The following KIFAP3 variants were observed in gnomAD, a reference collection of about 807,000 sequenced individuals.
The protein encoded by KIFAP3 is kinesin associated protein 3.
In KIFAP3, 68 loss-of-function variants were observed where a neutral mutation model predicts 106.5. That is an observed-to-expected ratio of 0.64 (90% CI 0.53 to 0.78). The LOEUF is 0.78. Ranked by LOEUF, KIFAP3 falls within the 30% of genes least tolerant of loss-of-function variation. The pLI is 0.00. For synonymous variants in KIFAP3, 320 were observed against 311.5 expected, an observed-to-expected ratio of 1.03 and a Z score of -0.29; for missense variants, 780 against 941.8, an observed-to-expected ratio of 0.83 and a Z score of 2.25.
chr1:170,046,706 A>G lies in KIFAP3; in HGVS notation c.319+6T>C, dbSNP rs775108719. ...GCATTAGGAAGCCAGGAATTCTACTACTTACCTTTTCCTGACAATGAATCA... is the reference window on the plus strand; with the variant it reads ...GCATTAGGAAGCCAGGAATTCTACTGCTTACCTTTTCCTGACAATGAATCA... On this transcript the variant is annotated splice_donor_region_variant and intron_variant, in intron 3 of 19. Coordinates refer to ENST00000361580, the MANE Select transcript of KIFAP3 (RefSeq NM_014970.4). The G allele has an allele frequency of 1.3e-6, 2 of 1,518,422 alleles. No individual in the cohort carries two copies. The highest frequency in any genetic ancestry group is 1.8e-6 in the Non-Finnish European group (2 of 1,128,842). The allele number at this position is 1,518,422 out of a possible 1,614,324, so 94.1% of individuals were successfully genotyped here.
At chr1:169,989,419 T>C (rs1212339087) in intron 11 of KIFAP3, among the ~76,000 whole-genome samples, 1 of 152,030 alleles carries the variant, frequency 6.6e-6, no homozygotes, top group East Asian at 1.9e-4. Flanking sequence ...TTGGCTGCTT[T>C]CCAGTTCATA....
chr1:169,937,510 C>T (rs1465296385), intron 19 of KIFAP3, among the ~76,000 whole-genome samples: 1 of 151,690 alleles, frequency 6.6e-6, no homozygotes, highest in Non-Finnish European at 1.5e-5. Flanking sequence ...GAAACATGAA[C>T]AAGGAAACTC....
chr1:170,060,217 C>A (rs556650565), intron 1 of KIFAP3, among the ~76,000 whole-genome samples: 26 of 152,278 alleles, frequency 1.7e-4, no homozygotes, highest in Middle Eastern at 6.8e-3. Flanking sequence ...AAGAGGAAGT[C>A]AAATTGTCCC....
intron 10 of KIFAP3, among the ~76,000 whole-genome samples, chr1:169,997,487 A>T (rs1667424186): frequency 6.6e-6 from 1 of 152,088 alleles, no homozygotes; most frequent in South Asian, 2.1e-4. Flanking sequence ...GGCAGCCGAG[A>T]TTTCTGAGAT....
chr1:169,950,013 G>A (rs1429989977), intron 19 of KIFAP3, among the ~76,000 whole-genome samples: 2 of 152,100 alleles, frequency 1.3e-5, no homozygotes, highest in Non-Finnish European at 2.9e-5. Context: ...TTCAGATTAA[G>A]AAGGACCCCC....
intron 1 of KIFAP3, among the ~76,000 whole-genome samples, chr1:170,061,386 T>C (rs1355803855): frequency 6.6e-6 from 1 of 152,200 alleles, no homozygotes; most frequent in Non-Finnish European, 1.5e-5. Context: ...AGAAGACATT[T>C]ATGCAGCCAA....
At chr1:170,061,169 A>C (rs1404714275) in intron 1 of KIFAP3, among the ~76,000 whole-genome samples, 1 of 152,206 alleles carries the variant, frequency 6.6e-6, no homozygotes, top group Non-Finnish European at 1.5e-5. Flanking sequence ...AATGGGATCT[A>C]ATTAAACTAA....
intron 10 of KIFAP3, among the ~76,000 whole-genome samples, chr1:170,005,820 C>A (rs1188283108): frequency 2.6e-5 from 4 of 151,152 alleles, no homozygotes; most frequent in African/African-American, 7.3e-5. Context: ...AACAAACCTG[C>A]ACGTTGTGCA....
In KIFAP3 at chr1:170,035,441, T is replaced by C. The variant is rs778675709; in HGVS notation, c.617+13A>G. The C allele has an allele frequency of 6.5e-7, 1 of 1,539,918 alleles. No homozygotes were observed. The highest frequency in any genetic ancestry group is 2.3e-5 in the East Asian group (1 of 43,370). ...ATACAGTAGCCTTTTTATTTAATAA[T>C]TTTTATACTTACCTGGAGAAACAAA... On this transcript the variant is annotated intron_variant, in intron 6 of 19. Coordinates refer to ENST00000361580, the MANE Select transcript of KIFAP3 (RefSeq NM_014970.4).
At position 169,958,930 on chromosome 1, in the gene KIFAP3, A is replaced by T. The variant is rs190623563; in HGVS notation, c.2173+2116T>A. 5.5e-3 allele frequency among the ~76,000 whole-genome samples: 843 copies of T among 152,146 alleles called. 6 individuals are homozygous for T. The highest frequency in any genetic ancestry group is 5.2e-3 in the Non-Finnish European group (353 of 67,978). ...TCACATAATACTAAGATTTTTTTTTAAAAAACATGGGAGAATCATATACAT... is the reference window on the plus strand; with the variant it reads ...TCACATAATACTAAGATTTTTTTTTTAAAAACATGGGAGAATCATATACAT... On this transcript the variant is annotated intron_variant, in intron 18 of 19. Transcript: ENST00000361580.
intron 3 of KIFAP3, chr1:170,041,869 T>A (rs2102070887): frequency 4.3e-6 from 6 of 1,383,352 alleles, no homozygotes; most frequent in Non-Finnish European, 5.7e-6. Context: ...TTAAGGGGAA[T>A]TTCCCCAACT....
At chr1:170,048,387 G>A (rs1670379997) in intron 2 of KIFAP3, among the ~76,000 whole-genome samples, 1 of 151,494 alleles carries the variant, frequency 6.6e-6, no homozygotes, top group East Asian at 1.9e-4. Flanking sequence ...AAGGCATAGA[G>A]AGAAAGGTCA....
At chr1:170,055,208 ATAAT>A in intron 2 of KIFAP3, 93 bp downstream of exon 2, 1 of 1,051,006 alleles carries the variant, frequency 9.5e-7, no homozygotes, top group Non-Finnish European at 1.3e-6. Context: ...GAAGAATGCC[ATAAT>A]TAATCACCTA....
chr1:170,031,517 A>G (rs754684981), intron 8 of KIFAP3, among the ~76,000 whole-genome samples: 6 of 151,776 alleles, frequency 4.0e-5, no homozygotes, highest in Non-Finnish European at 8.9e-5. Context: ...TAAACAAGAG[A>G]AATATTTTAA....
chr1:169,975,441 T>C (rs1443925416), intron 16 of KIFAP3, among the ~76,000 whole-genome samples: 3 of 152,088 alleles, frequency 2.0e-5, no homozygotes, highest in Non-Finnish European at 4.4e-5. Context: ...ATTTCAAATA[T>C]TCATATTGGA....
At position 169,945,043 on chromosome 1, in the gene KIFAP3, G is replaced by C. The variant is rs148629690; in HGVS notation, c.2273+8968C>G. ...CTGTTGCCATCAACATGCCATCCAG[G>C]GTGCCCAGGCAGCCCATACTAAGCC... is the stretch of plus-strand genomic sequence containing the variant. On this transcript the variant is annotated intron_variant, in intron 19 of 19. Coordinates refer to ENST00000361580, the MANE Select transcript of KIFAP3 (RefSeq NM_014970.4). Among the ~76,000 whole-genome samples, 982 of 152,192 alleles carry C rather than the reference G, an allele frequency of 6.5e-3. 13 individuals are homozygous for C. The highest frequency in any genetic ancestry group is 0.022 in the African/African-American group (909 of 41,564).
In KIFAP3 at chr1:170,067,662, A is replaced by T. The variant is rs74585450; in HGVS notation, c.32+6774T>A. On this transcript the variant is annotated intron_variant, in intron 1 of 19. Coordinates refer to ENST00000361580, the MANE Select transcript of KIFAP3 (RefSeq NM_014970.4). ...ACTGACTGAAGTTTCCTTTGAGGTC[A>T]GCTGCAAGGGGCTTTCCTTTGTTTT... The T allele has an allele frequency of 3.9e-5, 6 of 152,342 alleles. 1 individual carries two copies. The highest frequency in any genetic ancestry group is 1.4e-4 in the African/African-American group (6 of 41,572). 9.4% of individuals were successfully genotyped at this position (152,342 alleles called of 1,614,324 possible).
At chr1:170,037,403 C>G (rs1669743723) in intron 5 of KIFAP3, among the ~76,000 whole-genome samples, 1 of 152,020 alleles carries the variant, frequency 6.6e-6, no homozygotes, top group African/African-American at 2.4e-5. Context: ...TTGTTTTTGG[C>G]AAATGTATAA....
chr1:169,923,025 A>G, intron 19 of KIFAP3: 1 of 906,718 alleles, frequency 1.1e-6, no homozygotes, highest in Non-Finnish European at 1.3e-6. Context: ...AGATGGAACT[A>G]AAGAGTAAAT....
Sources: gnomAD v4.1 joint callset for allele counts (sites outside exome capture counted in the v4.1 genomes callset) on GRCh38, gnomAD v4.1.1 for gene constraint, MANE v1.5 for transcripts, NCBI Gene and HGNC (gene_info 2026-07-23, HGNC 2026-07-21) for gene names.